The following CHIC2 variants were observed in gnomAD, a reference collection of about 807,000 sequenced individuals.
CHIC2 encodes cysteine-rich hydrophobic domain-containing protein 2.
Under a neutral mutation model 25.9 loss-of-function variants are expected in CHIC2, and 14 were observed. The ratio of observed to expected loss-of-function variants is 0.54; its 90% CI spans 0.36 to 0.85. The LOEUF (loss-of-function observed/expected upper bound fraction) is 0.85. CHIC2 is among the 40% of genes least tolerant of loss of function. The pLI, the probability that CHIC2 is intolerant of heterozygous loss-of-function variation, is 0.01. For missense variants in CHIC2, 146 were observed against 202.0 expected (o/e 0.72, Z 1.68); for synonymous variants, 70 against 72.0 (o/e 0.97, Z 0.14).
chr4:54,086,838 T>C, the CHIC2 span: 1 of 512,292 alleles, frequency 2.0e-6, no homozygotes, highest in South Asian at 1.9e-5. Flanking sequence ...TCCTAGACCA[T>C]CCTGCAAGAT....
chr4:54,071,484 G>A, the CHIC2 span, among the ~76,000 whole-genome samples: 1 of 152,234 alleles, frequency 6.6e-6, no homozygotes, highest in Non-Finnish European at 1.5e-5. Flanking sequence ...GTACAAGGAA[G>A]TTAGGTAACT....
chr4:54,037,177 T>C (rs1181904326), intron 3 of CHIC2, among the ~76,000 whole-genome samples: 4 of 151,824 alleles, frequency 2.6e-5, no homozygotes, highest in Non-Finnish European at 5.9e-5. Context: ...GATGAAACCC[T>C]GTCTCTACCA....
chr4:54,089,154 T>C, the CHIC2 span, among the ~76,000 whole-genome samples: 1 of 152,126 alleles, frequency 6.6e-6, no homozygotes, highest in Non-Finnish European at 1.5e-5. Context: ...ACTTATAACA[T>C]GAGATAGGTC....
chr4:54,014,181 C>T (rs1328754921), intron 3 of CHIC2, 62 bp from the exon 4 acceptor site: 1 of 1,420,528 alleles, frequency 7.0e-7, no homozygotes, highest in African/African-American at 1.4e-5. Flanking sequence ...TGTTTTGCAG[C>T]TGCTTTTTCT....
At chr4:54,036,773 T>C (rs1201994912) in intron 3 of CHIC2, among the ~76,000 whole-genome samples, 1 of 149,082 alleles carries the variant, frequency 6.7e-6, no homozygotes, top group Non-Finnish European at 1.5e-5. Flanking sequence ...TGCATTTCCA[T>C]GGATTGTCCC....
chr4:54,055,914 G>A (rs1717161464), intron 1 of CHIC2, among the ~76,000 whole-genome samples: 1 of 152,132 alleles, frequency 6.6e-6, no homozygotes, highest in Non-Finnish European at 1.5e-5. Flanking sequence ...CCTGGAGTTG[G>A]AGACGTATAT....
the CHIC2 span, among the ~76,000 whole-genome samples, chr4:54,079,011 G>T: frequency 6.6e-6 from 1 of 151,208 alleles, no homozygotes; most frequent in Non-Finnish European, 1.5e-5. Context: ...GAGGTCAGGA[G>T]TTCGAGACCA....
the CHIC2 span, among the ~76,000 whole-genome samples, chr4:54,074,082 C>T: frequency 4.6e-5 from 7 of 151,820 alleles, no homozygotes; most frequent in South Asian, 2.1e-4. Context: ...CGCTTGAACC[C>T]GGGAGGCGGA....
At chr4:54,060,775 T>A (rs1187794872) in intron 1 of CHIC2, 1 of 152,150 alleles carries the variant, frequency 6.6e-6, no homozygotes, top group African/African-American at 2.4e-5. Context: ...CTTTTTACAG[T>A]ATTACTGTTT....
the CHIC2 span, among the ~76,000 whole-genome samples, chr4:54,077,334 A>C: frequency 3.0e-4 from 46 of 152,324 alleles, no homozygotes; most frequent in African/African-American, 1.0e-3. Flanking sequence ...CAGCACCGTC[A>C]AAGCCTTGTA....
chr4:54,083,311 A>G, the CHIC2 span, among the ~76,000 whole-genome samples: 4 of 152,082 alleles, frequency 2.6e-5, no homozygotes, highest in South Asian at 2.1e-4. Context: ...CACCACGCCC[A>G]ACTCCAATCT....
At chr4:54,090,187 TTA>T in the CHIC2 span, among the ~76,000 whole-genome samples, 3 of 151,404 alleles carry the variant, frequency 2.0e-5, no homozygotes, top group Non-Finnish European at 2.9e-5. Context: ...TTATTTTATT[TTA>T]TATATATATA....
chr4:54,040,014 C>G (rs569452961), intron 3 of CHIC2, among the ~76,000 whole-genome samples: 1 of 152,250 alleles, frequency 6.6e-6, no homozygotes, highest in South Asian at 2.1e-4. Flanking sequence ...GACAACAGAT[C>G]ACTGGTTGCC....
intron 3 of CHIC2, among the ~76,000 whole-genome samples, chr4:54,043,272 T>G (rs999547832): frequency 6.6e-6 from 1 of 151,936 alleles, no homozygotes; most frequent in Non-Finnish European, 1.5e-5. Flanking sequence ...ATACAAAAAC[T>G]TAGCCAGGTG....
chr4:54,065,477 G>A (rs1284704703), upstream of CHIC2, among the ~76,000 whole-genome samples: 2 of 152,188 alleles, frequency 1.3e-5, no homozygotes, highest in African/African-American at 4.8e-5. Flanking sequence ...AAGGAGGCAG[G>A]AAGGAAGAAA....
rs901353714 is a variant in CHIC2, at chr4:54,035,226, T to G, written c.330+13729A>C. The stretch of plus-strand genomic sequence containing the variant: ...TCTTTTAGAATATCTCTGTCTGGTT[T>G]TGGCCTCAGGGTAACGATGGCCTCA... On this transcript the variant is annotated intron_variant, in intron 3 of 5. Transcript: ENST00000263921. Among the ~76,000 whole-genome samples, 3 of 152,206 alleles carry G rather than the reference T, an allele frequency of 2.0e-5. No individual in the cohort carries two copies. The East Asian group carries it at 5.8e-4, about 29-fold the overall frequency.
chr4:54,020,895 C>T (rs917707170), intron 3 of CHIC2, among the ~76,000 whole-genome samples: 55 of 152,146 alleles, frequency 3.6e-4, no homozygotes, highest in African/African-American at 1.0e-3. Flanking sequence ...ACTGCAGGGA[C>T]GCCTGCCTTG....
At chr4:54,014,727 A>G (rs1715690322) in intron 3 of CHIC2, among the ~76,000 whole-genome samples, 1 of 152,126 alleles carries the variant, frequency 6.6e-6, no homozygotes, top group Non-Finnish European at 1.5e-5. Flanking sequence ...TTAATTCAAT[A>G]CTACTGTTTC....
At chr4:54,079,570 T>C in the CHIC2 span, among the ~76,000 whole-genome samples, 3 of 151,886 alleles carry the variant, frequency 2.0e-5, no homozygotes, top group South Asian at 4.1e-4. Flanking sequence ...AACTCAATAG[T>C]GAAAGACAAA....
Sources: allele counts gnomAD v4.1 joint callset (sites outside exome capture counted in the v4.1 genomes callset), GRCh38; gene constraint gnomAD v4.1.1; transcripts MANE v1.5; gene names NCBI Gene and HGNC (gene_info 2026-07-23, HGNC 2026-07-21).